Variants in DPF3 observed in about 807,000 individuals in gnomAD.
DPF3 encodes the protein double PHD fingers 3.
In DPF3, 18 loss-of-function variants were observed where a neutral mutation model predicts 56.8. The ratio of observed to expected loss-of-function variants is 0.32; its 90% CI spans 0.22 to 0.47. DPF3 has a LOEUF of 0.47. DPF3 is among the 20% of genes least tolerant of loss of function. The pLI, the probability that DPF3 is intolerant of heterozygous loss-of-function variation, is 1.00. For missense variants in DPF3, 403 were observed against 488.8 expected, an observed-to-expected ratio of 0.82 and a Z score of 1.65; for synonymous variants, 188 against 180.2, an observed-to-expected ratio of 1.04 and a Z score of -0.35.
At chr14:72,744,458 G>C (rs1164206852) in intron 3 of DPF3, among the ~76,000 whole-genome samples, 1 of 152,012 alleles carries the variant, frequency 6.6e-6, no homozygotes, top group Non-Finnish European at 1.5e-5. Context: ...ATTTTTTGTA[G>C]AGACAGGTTC....
At chr14:72,879,687 A>G in intron 1 of DPF3, 1 of 1,294,658 alleles carries the variant, frequency 7.7e-7, no homozygotes, top group South Asian at 1.6e-5. Context: ...AGGAGCCACA[A>G]GCAGTTTGCT....
intron 5 of DPF3, among the ~76,000 whole-genome samples, chr14:72,721,947 G>A (rs1407338789): frequency 6.6e-6 from 1 of 152,124 alleles, no homozygotes; most frequent in Non-Finnish European, 1.5e-5. Context: ...GTGTGTGGTG[G>A]GGTGCAATAC....
intron 1 of DPF3, among the ~76,000 whole-genome samples, chr14:72,781,738 C>T (rs528642632): frequency 6.6e-5 from 10 of 151,568 alleles, no homozygotes; most frequent in Admixed American, 3.3e-4. Flanking sequence ...GGGAAGGGGA[C>T]GCTCCGGGGA....
At chr14:72,683,650 G>A (rs1343551359) in intron 7 of DPF3, among the ~76,000 whole-genome samples, 11 of 152,160 alleles carry the variant, frequency 7.2e-5, no homozygotes, top group South Asian at 2.1e-4. Context: ...CCAAGCAACC[G>A]CGCACCTGAG....
chr14:72,761,330 C>G (rs1237762354), intron 2 of DPF3, among the ~76,000 whole-genome samples: 2 of 152,034 alleles, frequency 1.3e-5, no homozygotes, highest in African/African-American at 4.8e-5. Flanking sequence ...TGCCATAAAA[C>G]AAGTTGCAAT....
intron 1 of DPF3, among the ~76,000 whole-genome samples, chr14:72,850,582 C>T (rs2140083010): frequency 6.6e-6 from 1 of 152,334 alleles, no homozygotes; most frequent in Non-Finnish European, 1.5e-5. Context: ...CATGTGGCTG[C>T]CCCAATGCCT....
In DPF3 at chr14:72,779,547, G is replaced by C. The variant is rs183911597; in HGVS notation, c.33-7654C>G. 9.2e-5 allele frequency among the ~76,000 whole-genome samples: 14 copies of C among 152,308 alleles called. No homozygotes were observed. The East Asian group carries it at 2.7e-3, about 29-fold the overall frequency. On this transcript the variant is annotated intron_variant, in intron 1 of 10. Coordinates refer to ENST00000556509, the MANE Select transcript of DPF3 (RefSeq NM_001280542.3). ...AAGTGGAAAATCAAGACTTGGAATT[G>C]GTCATGTCTGAGTCCAGCTCCACCT...
chr14:72,766,254 T>A (rs1891282749), intron 2 of DPF3, among the ~76,000 whole-genome samples: 1 of 152,202 alleles, frequency 6.6e-6, no homozygotes, highest in Admixed American at 6.5e-5. Flanking sequence ...AGATACACTT[T>A]TTTATATTCC....
chr14:72,893,641 C>A (rs1886866320), intron 1 of DPF3, among the ~76,000 whole-genome samples: 1 of 151,938 alleles, frequency 6.6e-6, no homozygotes, highest in South Asian at 2.1e-4. Context: ...CCAAGTACAC[C>A]GAGGCGGCCA....
chr14:72,851,863 C>T (rs1884995832), intron 1 of DPF3, among the ~76,000 whole-genome samples: 1 of 152,252 alleles, frequency 6.6e-6, no homozygotes, highest in Non-Finnish European at 1.5e-5. Flanking sequence ...GACAGCTCGC[C>T]CAGCCTCCCG....
At chr14:72,635,823 G>A (rs1222634389) in intron 8 of DPF3, among the ~76,000 whole-genome samples, 1 of 152,042 alleles carries the variant, frequency 6.6e-6, no homozygotes, top group East Asian at 1.9e-4. Context: ...ATTTAATTTG[G>A]ACTAGGCTAA....
intron 6 of DPF3, among the ~76,000 whole-genome samples, chr14:72,712,330 A>C (rs1489124153): frequency 6.6e-6 from 1 of 152,174 alleles, no homozygotes; most frequent in East Asian, 1.9e-4. Flanking sequence ...GTGCCCAGTA[A>C]GAGAGGGATG....
chr14:72,653,457 T>C lies in DPF3; in HGVS notation c.871+20783A>G, dbSNP rs181763654. Among the ~76,000 whole-genome samples, 5 of 152,282 alleles carry C rather than the reference T, an allele frequency of 3.3e-5. No individual in the cohort carries two copies. The East Asian group carries it at 9.7e-4, about 29-fold the overall frequency. On this transcript the variant is annotated intron_variant, in intron 8 of 10. Transcript: ENST00000556509. ...GAGCGAAGAGAATCAGTGATGGAAA[T>C]GGAAGCCAGCAGTCAGGGCTTGCAA...
chr14:72,730,274 G>A (rs937092296), intron 4 of DPF3, among the ~76,000 whole-genome samples: 2 of 152,028 alleles, frequency 1.3e-5, no homozygotes, highest in Admixed American at 6.6e-5. Flanking sequence ...AGGATGTCAG[G>A]TGTGAGAGAC....
At chr14:72,723,052 A>G (rs1041971136) in intron 5 of DPF3, among the ~76,000 whole-genome samples, 2 of 150,698 alleles carry the variant, frequency 1.3e-5, no homozygotes, top group African/African-American at 4.9e-5. Context: ...TTTTTTTATT[A>G]TACTTTAAGT....
In DPF3 at chr14:72,756,933, G is replaced by GAAAGAAAGAAAGAAAGAAAGAA. The variant is rs1567223087; in HGVS notation, c.194-3563_194-3562insTTCTTTCTTTCTTTCTTTCTTT. On this transcript the variant is annotated intron_variant, in intron 2 of 10. Transcript: ENST00000556509. Reference sequence around the variant, plus strand: ...AAGAAAGAAAGAAAGAAAGAAAGAAGAGAAGAGAAGAGAAAGGGAGAGGGA... The same window carrying GAAAGAAAGAAAGAAAGAAAGAA: ...AAGAAAGAAAGAAAGAAAGAAAGAAGAAAGAAAGAAAGAAAGAAAGAAAGAAGAGAAGAGAAAGGGAGAGGGA... Among the ~76,000 whole-genome samples, 13 of 39,246 alleles carry GAAAGAAAGAAAGAAAGAAAGAA rather than the reference G, an allele frequency of 3.3e-4. No individual in the cohort carries two copies. The South Asian group carries it at 6.7e-3, about 20-fold the overall frequency. 25.7% of individuals were successfully genotyped at this position (39,246 alleles called of 152,430 possible). A position where few individuals can be genotyped will look rare whatever the true frequency, so the allele number is the denominator to read the frequency against.
intron 1 of DPF3, among the ~76,000 whole-genome samples, chr14:72,828,033 C>A (rs1262687308): frequency 6.6e-6 from 1 of 152,094 alleles, no homozygotes; most frequent in African/African-American, 2.4e-5. Flanking sequence ...TAATGAATAC[C>A]TTGCTTTGCA....
intron 1 of DPF3, among the ~76,000 whole-genome samples, chr14:72,846,172 A>G (rs1306441199): frequency 6.6e-6 from 1 of 150,884 alleles, no homozygotes. Context: ...ATACAATGGC[A>G]TGATCTCAGC....
intron 5 of DPF3, among the ~76,000 whole-genome samples, chr14:72,718,160 G>A (rs1393343879): frequency 7.5e-6 from 1 of 132,714 alleles, no homozygotes; most frequent in Admixed American, 7.5e-5. Context: ...AACCACCTGG[G>A]TTCCTGTTTC....
Sources: allele counts gnomAD v4.1 joint callset (sites outside exome capture counted in the v4.1 genomes callset), GRCh38; gene constraint gnomAD v4.1.1; transcripts MANE v1.5; gene names NCBI Gene and HGNC (gene_info 2026-07-23, HGNC 2026-07-21).